BCAS3: variants seen among roughly 807,000 people sequenced by gnomAD.
The protein encoded by BCAS3 is BCAS4/BCAS3 fusion.
In BCAS3, 53 loss-of-function variants were observed where a neutral mutation model predicts 116.1. That is an observed-to-expected ratio of 0.46 (90% confidence interval 0.37 to 0.57). The LOEUF is 0.57. BCAS3 is among the 20% of genes least tolerant of loss of function. BCAS3 has a pLI of 0.00. For missense variants in BCAS3, 917 were observed against 1,165.4 expected, an observed-to-expected ratio of 0.79 and a Z score of 3.10; for synonymous variants, 391 against 408.2, an observed-to-expected ratio of 0.96 and a Z score of 0.51.
chr17:60,963,526 T>G (rs2061506793), intron 14 of BCAS3, among the ~76,000 whole-genome samples: 3 of 151,894 alleles, frequency 2.0e-5, no homozygotes, highest in African/African-American at 7.3e-5. Context: ...TTTCAGATTG[T>G]TCCCTGTTGA....
chr17:61,182,665 G>A (rs1000241558), intron 22 of BCAS3, among the ~76,000 whole-genome samples: 1 of 152,154 alleles, frequency 6.6e-6, no homozygotes, highest in Non-Finnish European at 1.5e-5. Flanking sequence ...CTTAATAGGA[G>A]CTCACACTCC....
At chr17:61,133,859 CAAAA>C (rs11449964) in intron 22 of BCAS3, among the ~76,000 whole-genome samples, 1 of 81,930 alleles carries the variant, frequency 1.2e-5, no homozygotes, top group Non-Finnish European at 2.3e-5. Flanking sequence ...CCTGGAATCT[CAAAA>C]AAAAAAAAAA....
chr17:60,786,077 C>G (rs1052460814), intron 6 of BCAS3, among the ~76,000 whole-genome samples: 1 of 152,118 alleles, frequency 6.6e-6, no homozygotes, highest in Non-Finnish European at 1.5e-5. Flanking sequence ...GAGGGAGGTC[C>G]TGGAACCAAT....
intron 6 of BCAS3, among the ~76,000 whole-genome samples, chr17:60,777,057 T>A (rs1240136099): frequency 2.7e-5 from 4 of 149,834 alleles, no homozygotes; most frequent in African/African-American, 9.9e-5. Flanking sequence ...TATATACACA[T>A]ATATGTGTGT....
At position 61,327,140 on chromosome 17, in the gene BCAS3, T is replaced by A. The variant is rs545002019; in HGVS notation, c.2426-41187T>A. Among the ~76,000 whole-genome samples, 5 of 151,966 alleles carry A rather than the reference T, an allele frequency of 3.3e-5. No homozygotes were observed. Among genetic ancestry groups the A allele is most frequent in the Non-Finnish European group, 7.4e-5 (5 of 67,950 alleles). On this transcript the variant is annotated intron_variant, in intron 22 of 23. Transcript: ENST00000407086. The surrounding 1 kb of genome is among the most constrained non-coding windows in gnomAD (Gnocchi z 5.9). ...CAACATGGTGAAACCTCATCTCTAC[T>A]AAAAATACAAAAATTAGCTGGGTGT...
rs183894876 is a variant in BCAS3, at chr17:61,013,415, A to G, written c.1487-2336A>G. Among the ~76,000 whole-genome samples the G allele has an allele frequency of 6.6e-6, 1 of 152,248 alleles. No homozygotes were observed. The highest frequency in any genetic ancestry group is 1.9e-4 in the East Asian group (1 of 5,186). ...AAGTTAATATTAGCATAGTTGTCTAATAGCGATTTTATAATTATTTACATC... is the reference window on the plus strand; with the variant it reads ...AAGTTAATATTAGCATAGTTGTCTAGTAGCGATTTTATAATTATTTACATC... On this transcript the variant is annotated intron_variant, in intron 15 of 23. Coordinates refer to ENST00000407086, the MANE Select transcript of BCAS3 (RefSeq NM_017679.5). This position sits in a 1 kb window ranked among gnomAD's most constrained non-coding sequence, Gnocchi z 4.4.
chr17:61,181,894 G>A lies in BCAS3; in HGVS notation c.2425+97330G>A, dbSNP rs1270974858. Among the ~76,000 whole-genome samples, 1 of 149,574 alleles carries A rather than the reference G, an allele frequency of 6.7e-6. No homozygotes were observed. The highest frequency in any genetic ancestry group is 1.5e-5 in the Non-Finnish European group (1 of 67,656). The stretch of plus-strand genomic sequence containing the variant: ...TCCTTCTTTTTTTTTTTAATCTTGA[G>A]ACACGGTCTCACTCCGCTGCCCAGG... On this transcript the variant is annotated intron_variant, in intron 22 of 23. Coordinates refer to ENST00000407086, the MANE Select transcript of BCAS3 (RefSeq NM_017679.5). The surrounding 1 kb of genome is among the most constrained non-coding windows in gnomAD (Gnocchi z 5.0).
intron 5 of BCAS3, among the ~76,000 whole-genome samples, chr17:60,740,296 C>A (rs903864080): frequency 1.3e-5 from 2 of 151,678 alleles, no homozygotes. Context: ...GAGTTCAAGA[C>A]TAGCCTGGGC....
At chr17:60,983,653 A>G (rs186087662) in intron 14 of BCAS3, among the ~76,000 whole-genome samples, 2 of 152,280 alleles carry the variant, frequency 1.3e-5, no homozygotes, top group East Asian at 1.9e-4. Flanking sequence ...TGAGTAGTCT[A>G]AAAATGAAAG....
chr17:61,373,733 C>CCCCG (rs397957674), intron 23 of BCAS3, among the ~76,000 whole-genome samples: 1 of 148,780 alleles, frequency 6.7e-6, no homozygotes, highest in East Asian at 2.0e-4. Context: ...TGCCCAGCCC[C>CCCCG]TGTTTAAAGT....
intron 13 of BCAS3, among the ~76,000 whole-genome samples, chr17:60,936,015 C>T (rs181183178): frequency 1.3e-5 from 2 of 151,580 alleles, no homozygotes; most frequent in African/African-American, 2.4e-5. Flanking sequence ...CCCTTCCCCC[C>T]ACCCCACAAC....
intron 6 of BCAS3, among the ~76,000 whole-genome samples, 156 bp from the exon 7 acceptor site, chr17:60,807,848 T>C (rs1374388048): frequency 1.3e-5 from 2 of 152,154 alleles, no homozygotes; most frequent in African/African-American, 4.8e-5. Flanking sequence ...ATGATGATTT[T>C]ATATAGTAGC....
At chr17:60,831,085 C>G (rs1040620615) in intron 7 of BCAS3, among the ~76,000 whole-genome samples, 6 of 152,046 alleles carry the variant, frequency 3.9e-5, no homozygotes. Flanking sequence ...CTCCTGAACT[C>G]AAGTGATCCT....
intron 7 of BCAS3, among the ~76,000 whole-genome samples, chr17:60,861,058 T>C (rs949350125): frequency 2.6e-5 from 4 of 152,204 alleles, no homozygotes; most frequent in African/African-American, 9.7e-5. Context: ...AGGAAGAGCA[T>C]TGAAACTGTA....
rs200504869 is a variant in BCAS3 at position 60,740,427 on chromosome 17, G to A, written c.322-6771G>A. Among the ~76,000 whole-genome samples, 38 of 150,986 alleles carry A rather than the reference G, an allele frequency of 2.5e-4. 1 individual carries two copies. In the East Asian group the frequency reaches 7.4e-3, roughly 30 times the overall value. On this transcript the variant is annotated intron_variant, in intron 5 of 23. Coordinates refer to ENST00000407086, the MANE Select transcript of BCAS3 (RefSeq NM_017679.5). ...GTGGGAGAATCACTTGAGCCCAGGG[G>A]GGCCGAGGCAGCAGTGAGCCGAGAT...
intron 22 of BCAS3, chr17:61,245,086 T>A (rs1291804073): frequency 6.6e-6 from 1 of 152,384 alleles, no homozygotes; most frequent in African/African-American, 2.4e-5. Flanking sequence ...CTCACTGTTC[T>A]GCATGGCTGG....
At chr17:60,692,268 C>T (rs900083784) in intron 4 of BCAS3, among the ~76,000 whole-genome samples, 3 of 151,942 alleles carry the variant, frequency 2.0e-5, no homozygotes, top group African/African-American at 7.3e-5. Flanking sequence ...GAGATGGAGT[C>T]TCTCTCTGTC....
intron 6 of BCAS3, among the ~76,000 whole-genome samples, chr17:60,791,776 A>G (rs1206069530): frequency 6.6e-6 from 1 of 152,168 alleles, no homozygotes; most frequent in Non-Finnish European, 1.5e-5. Context: ...CTATCCTGAA[A>G]TTAGTGTTTA....
Position 61,313,953 on chromosome 17 carries a change from C to T in BCAS3, c.2426-54374C>T, listed in dbSNP as rs960556661. On this transcript the variant is annotated intron_variant, in intron 22 of 23. Transcript: ENST00000407086. The surrounding 1 kb of genome is among the most constrained non-coding windows in gnomAD (Gnocchi z 4.3). The stretch of plus-strand genomic sequence containing the variant: ...TCCAGAGTCTCGTGGGGGAAGCCGG[C>T]TGGCAGCACACAGGCCATTCCTCTT... Among the ~76,000 whole-genome samples the T allele has an allele frequency of 3.9e-5, 6 of 152,256 alleles. No individual in the cohort carries two copies. The highest frequency in any genetic ancestry group is 1.4e-4 in the African/African-American group (6 of 41,472).
Sources: gnomAD v4.1 joint callset for allele counts (sites outside exome capture counted in the v4.1 genomes callset) on GRCh38, gnomAD v4.1.1 for gene constraint, Gnocchi (gnomAD v3.1) non-coding constraint, MANE v1.5 for transcripts, NCBI Gene and HGNC (gene_info 2026-07-23, HGNC 2026-07-21) for gene names.